Variants in RPAP3 observed in about 807,000 individuals in gnomAD.
RPAP3 encodes the protein RNA polymerase II associated protein 3, also known as RNA polymerase II-associated protein 3.
A neutral mutation model predicts 88.8 loss-of-function variants in RPAP3; 58 were observed. The observed-to-expected ratio is 0.65, with a 90% CI of 0.53 to 0.81. The LOEUF (loss-of-function observed/expected upper bound fraction) is 0.81, where lower values mean the gene tolerates loss of function less well. Ranked by LOEUF, RPAP3 falls within the 40% of genes least tolerant of loss-of-function variation. The pLI is 0.00. For synonymous variants in RPAP3, 255 were observed against 259.9 expected (o/e 0.98, Z 0.18); for missense variants, 751 against 764.3 (o/e 0.98, Z 0.20).
At chr12:47,674,836 CAGG>C (rs1939077496) in intron 12 of RPAP3, among the ~76,000 whole-genome samples, 1 of 152,100 alleles carries the variant, frequency 6.6e-6, no homozygotes, top group South Asian at 2.1e-4. Flanking sequence ...GGATATTATC[CAGG>C]AGAACTTCCC....
At position 47,674,345 on chromosome 12, in the gene RPAP3, C is replaced by T. The variant is rs1939065407; in HGVS notation, c.1288-4000G>A. 3.3e-5 allele frequency among the ~76,000 whole-genome samples: 5 copies of T among 152,234 alleles called. No individual in the cohort carries two copies. The South Asian group carries it at 1.0e-3, about 32-fold the overall frequency. On this transcript the variant is annotated intron_variant, in intron 12 of 16. Transcript: ENST00000005386. ...AAAAATCAGAGCACCTATTCTCTTC[C>T]AAAGGAACACAGCTCCTCACCAGCA...
chr12:47,703,935 G>C (rs767267764), intron 1 of RPAP3, among the ~76,000 whole-genome samples: 7 of 152,178 alleles, frequency 4.6e-5, no homozygotes, highest in African/African-American at 7.2e-5. Context: ...ATGCCATTTT[G>C]AGTCAAGAAA....
chr12:47,693,959 A>C (rs1467875064), intron 5 of RPAP3, among the ~76,000 whole-genome samples: 1 of 152,272 alleles, frequency 6.6e-6, no homozygotes, highest in Non-Finnish European at 1.5e-5. Context: ...GAGATATTTC[A>C]CATTCATCTA....
In RPAP3 at chr12:47,677,105, C is replaced by T. The variant is rs536186719; in HGVS notation, c.1287+2388G>A. Among the ~76,000 whole-genome samples, 81 of 152,192 alleles carry T rather than the reference C, an allele frequency of 5.3e-4. 4 individuals carry two copies. The highest frequency in any genetic ancestry group is 1.6e-3 in the African/African-American group (67 of 41,548). ...GCTTCAATATATGCAAATCAATAAACGTAATCCATCACATAAACAGAACCA... is the reference window on the plus strand; with the variant it reads ...GCTTCAATATATGCAAATCAATAAATGTAATCCATCACATAAACAGAACCA... On this transcript the variant is annotated intron_variant, in intron 12 of 16. Transcript: ENST00000005386.
chr12:47,681,004 G>C (rs950054677), intron 10 of RPAP3, among the ~76,000 whole-genome samples: 2 of 151,298 alleles, frequency 1.3e-5, no homozygotes, highest in East Asian at 3.9e-4. Flanking sequence ...AAATCATTTG[G>C]AACCAAGATG....
At chr12:47,669,138 C>T (rs1565713223) in intron 13 of RPAP3, 36 bp from the exon 14 acceptor site, 3 of 1,433,006 alleles carry the variant, frequency 2.1e-6, no homozygotes, top group Non-Finnish European at 1.9e-6. Flanking sequence ...AGAAAAGAAC[C>T]ATAAATAATC....
chr12:47,690,054 AAG>A (rs539080953), intron 6 of RPAP3, among the ~76,000 whole-genome samples: 8,543 of 150,988 alleles, frequency 0.057, 304 homozygotes, highest in Middle Eastern at 0.11. Context: ...AAAAAAAAAA[AAG>A]AAAAAAAAAA....
intron 7 of RPAP3, 56 bp downstream of exon 7, chr12:47,689,069 C>T (rs1260706887): frequency 2.6e-6 from 2 of 778,272 alleles, no homozygotes; most frequent in African/African-American, 1.8e-5. Context: ...ATGCAAAAAG[C>T]TTTACTTCTT....
In RPAP3 at chr12:47,667,863, AAT is replaced by A; in HGVS notation, c.1714-14_1714-13del. The A allele has an allele frequency of 2.0e-6, 3 of 1,528,888 alleles. No individual in the cohort carries two copies. The highest frequency in any genetic ancestry group is 2.7e-6 in the Non-Finnish European group (3 of 1,112,448). The allele number at this position is 1,528,888 out of a possible 1,614,324, so 94.7% of individuals were successfully genotyped here. On this transcript the variant is annotated splice_polypyrimidine_tract_variant and intron_variant, in intron 14 of 16. Coordinates refer to ENST00000005386, the MANE Select transcript of RPAP3 (RefSeq NM_024604.3). ...GATGGTTCAATTTGCTTGAAAAAAA[AAT>A]AAAAAGACAATTACTTGATGGCAAC...
At chr12:47,698,421 A>G (rs1460915819) in intron 3 of RPAP3, among the ~76,000 whole-genome samples, 1 of 152,212 alleles carries the variant, frequency 6.6e-6, no homozygotes, top group Non-Finnish European at 1.5e-5. Flanking sequence ...TTTGACTCAC[A>G]CTACTTTCAT....
chr12:47,705,586 A>G (rs1939774516), intron 1 of RPAP3, among the ~76,000 whole-genome samples: 1 of 152,132 alleles, frequency 6.6e-6, no homozygotes, highest in Non-Finnish European at 1.5e-5. Flanking sequence ...CGCTGGGGGT[A>G]TCACTTTCAC....
intron 12 of RPAP3, among the ~76,000 whole-genome samples, chr12:47,676,359 A>G (rs1939115663): frequency 6.6e-6 from 1 of 152,188 alleles, no homozygotes; most frequent in African/African-American, 2.4e-5. Context: ...GAGCAAACAA[A>G]TTCAAAACCT....
At chr12:47,669,211 T>TA in intron 13 of RPAP3, 109 bp from the exon 14 acceptor site, 1 of 649,540 alleles carries the variant, frequency 1.5e-6, no homozygotes, top group Non-Finnish European at 2.6e-6. Context: ...TATTGTATTA[T>TA]CTATTTGTAT....
intron 4 of RPAP3, among the ~76,000 whole-genome samples, chr12:47,696,923 C>T (rs866948795): frequency 1.1e-4 from 16 of 152,242 alleles, no homozygotes; most frequent in Admixed American, 2.0e-4. Flanking sequence ...GGCACTGACC[C>T]CACACTGTTC....
At chr12:47,680,119 A>G (rs932643449) in intron 10 of RPAP3, among the ~76,000 whole-genome samples, 1 of 152,220 alleles carries the variant, frequency 6.6e-6, no homozygotes, top group Non-Finnish European at 1.5e-5. Flanking sequence ...CATACAACAA[A>G]GTATTACTCA....
At chr12:47,682,164 A>G (rs1036286600) in intron 9 of RPAP3, among the ~76,000 whole-genome samples, 3 of 152,194 alleles carry the variant, frequency 2.0e-5, no homozygotes, top group Non-Finnish European at 2.9e-5. Flanking sequence ...TAGAATTTTG[A>G]CTGGCATTAG....
At chr12:47,673,214 G>A (rs1939036225) in intron 12 of RPAP3, among the ~76,000 whole-genome samples, 1 of 151,888 alleles carries the variant, frequency 6.6e-6, no homozygotes, top group African/African-American at 2.4e-5. Flanking sequence ...AGGCCAAGGT[G>A]GGCAGATCAC....
chr12:47,676,059 T>G (rs942200495), intron 12 of RPAP3, among the ~76,000 whole-genome samples: 2 of 152,186 alleles, frequency 1.3e-5, no homozygotes, highest in South Asian at 2.1e-4. Flanking sequence ...CAGACCACAG[T>G]GCAATCAAAT....
chr12:47,690,255 C>T (rs947402199), intron 6 of RPAP3, among the ~76,000 whole-genome samples: 1 of 152,152 alleles, frequency 6.6e-6, no homozygotes, highest in African/African-American at 2.4e-5. Context: ...GCCTATTTTA[C>T]AGATGAGAAA....
Sources: gnomAD v4.1 joint callset for allele counts (sites outside exome capture counted in the v4.1 genomes callset) on GRCh38, gnomAD v4.1.1 for gene constraint, MANE v1.5 for transcripts, NCBI Gene and HGNC (gene_info 2026-07-23, HGNC 2026-07-21) for gene names.